The following RPGRIP1 variants were observed in gnomAD, a reference collection of about 807,000 sequenced individuals.
RPGRIP1 encodes the protein X-linked retinitis pigmentosa GTPase regulator-interacting protein 1.
In RPGRIP1, 128 loss-of-function variants were observed where a neutral mutation model predicts 157.9. The observed-to-expected ratio is 0.81, with a 90% CI of 0.70 to 0.94. RPGRIP1 has a LOEUF of 0.94. Ranked by LOEUF, RPGRIP1 falls within the 40% of genes least tolerant of loss-of-function variation. The pLI, the probability that RPGRIP1 is intolerant of heterozygous loss-of-function variation, is 0.00. For synonymous variants in RPGRIP1, 554 were observed against 571.6 expected, an observed-to-expected ratio of 0.97 and a Z score of 0.44; for missense variants, 1,486 against 1,545.8, an observed-to-expected ratio of 0.96 and a Z score of 0.65.
rs1268383075 is a variant in RPGRIP1 at position 21,325,388 on chromosome 14, GA to G, written c.2367+11del. 2 of 1,561,688 alleles carry G rather than the reference GA, an allele frequency of 1.3e-6. No individual in the cohort carries two copies. The highest frequency in any genetic ancestry group is 1.7e-6 in the Non-Finnish European group (2 of 1,152,516). ...CGGAAGGCCCAGGAAGAGGAGGTGAGAAAAAAGATGTGCCGAGGCATCTCAG... is the reference window on the plus strand; with the variant it reads ...CGGAAGGCCCAGGAAGAGGAGGTGAGAAAAAGATGTGCCGAGGCATCTCAG... On this transcript the variant is annotated splice_donor_region_variant and intron_variant, in intron 16 of 24. Coordinates refer to ENST00000400017, the MANE Select transcript of RPGRIP1 (RefSeq NM_020366.4).
At chr14:21,317,662 G>A in intron 10 of RPGRIP1, 34 bp from the exon 11 acceptor site, 1 of 1,563,714 alleles carries the variant, frequency 6.4e-7, no homozygotes, top group Non-Finnish European at 8.7e-7. Flanking sequence ...CACCCCTTGG[G>A]GTATCCATCT....
At chr14:21,316,860 C>T (rs534251304) in intron 10 of RPGRIP1, among the ~76,000 whole-genome samples, 2 of 151,990 alleles carry the variant, frequency 1.3e-5, no homozygotes, top group South Asian at 4.2e-4. Flanking sequence ...TGGCTCACAC[C>T]TATAATCCCA....
intron 6 of RPGRIP1, among the ~76,000 whole-genome samples, chr14:21,304,399 GAAAGAAA>G (rs1881196683): frequency 1.1e-5 from 1 of 95,030 alleles, no homozygotes; most frequent in Non-Finnish European, 2.4e-5. Flanking sequence ...GAGAAAGAAA[GAAAGAAA>G]GAAAGAAAGA....
chr14:21,323,891 G>A (rs1310289088), intron 14 of RPGRIP1: 1 of 153,714 alleles, frequency 6.5e-6, no homozygotes, highest in African/African-American at 2.4e-5. Context: ...ACACTGTGTT[G>A]ACTCAAATAT....
At chr14:21,294,340 C>G (rs1162023240) in intron 2 of RPGRIP1, among the ~76,000 whole-genome samples, 1 of 151,754 alleles carries the variant, frequency 6.6e-6, no homozygotes. Flanking sequence ...AAGCAATTCT[C>G]CTGCCTCAGC....
At chr14:21,325,108 A>T in intron 15 of RPGRIP1, 38 bp downstream of exon 15, 1 of 1,565,390 alleles carries the variant, frequency 6.4e-7, no homozygotes, top group Non-Finnish European at 8.7e-7. Context: ...CTAAGCACCA[A>T]TGCAGAATTT....
chr14:21,326,028 G>C lies in RPGRIP1; in HGVS notation c.2565G>C (p.Val855=). ...TTAGAGACCAGGCTCGATTCCCAGT[G>C]CTTGTGACCTCTGACCTGGACCATT... ...PYFRDQARFP[V]LVTSDLDHYL... is the part of the protein sequence containing the mutation. Residue 855 remains valine (V), a synonymous_variant, in exon 17 of 25, where the codon GTG becomes GTC. Transcript: ENST00000400017. The C allele has an allele frequency of 6.2e-7, 1 of 1,613,964 alleles. No homozygotes were observed. The highest frequency in any genetic ancestry group is 8.5e-7 in the Non-Finnish European group (1 of 1,179,878).
intron 10 of RPGRIP1, among the ~76,000 whole-genome samples, chr14:21,314,928 C>T (rs1175174296): frequency 1.3e-5 from 2 of 151,778 alleles, no homozygotes; most frequent in Non-Finnish European, 2.9e-5. Context: ...GAGGCTGAGG[C>T]AGGGCGAATT....
Position 21,320,044 on chromosome 14 carries a change from T to TC in RPGRIP1, c.1335dup (p.Thr446HisfsTer8). 6.2e-7 allele frequency: 1 copy of TC among 1,612,868 alleles called. No individual in the cohort carries two copies. Among genetic ancestry groups the TC allele is most frequent in the Middle Eastern group, 1.6e-4 (1 of 6,062 alleles). On this transcript the variant is annotated frameshift_variant, in exon 12 of 25. Coordinates refer to ENST00000400017, the MANE Select transcript of RPGRIP1 (RefSeq NM_020366.4). LOFTEE classifies it high-confidence loss of function. ...CAAAATGAGGATCTGAAGCTTGAAG[T>TC]CACCAACATACTTCAGAAGCATAAA...
chr14:21,297,245 C>T (rs1836855320), intron 3 of RPGRIP1, among the ~76,000 whole-genome samples: 2 of 151,964 alleles, frequency 1.3e-5, no homozygotes. Context: ...CAAGCATGTG[C>T]CACCATGCCT....
At position 21,304,898 on chromosome 14, in the gene RPGRIP1, T is replaced by C. The variant is rs561754273; in HGVS notation, c.800+1355T>C. ...CTCACTGCAAGCTCTGCCTCCTGGG[T>C]TCATGCCGTTCTCCTGCCTCAGCCT... On this transcript the variant is annotated intron_variant, in intron 6 of 24. Transcript: ENST00000400017. Among the ~76,000 whole-genome samples, 5 of 151,936 alleles carry C rather than the reference T, an allele frequency of 3.3e-5. 1 individual carries two copies. In the South Asian group the frequency reaches 1.0e-3, roughly 32 times the overall value.
At position 21,319,124 on chromosome 14, in the gene RPGRIP1, T is replaced by C. The variant is rs1882113744; in HGVS notation, c.1307-893T>C. Among the ~76,000 whole-genome samples, 3 of 152,338 alleles carry C rather than the reference T, an allele frequency of 2.0e-5. No individual in the cohort carries two copies. In the South Asian group the frequency reaches 6.2e-4, roughly 32 times the overall value. On this transcript the variant is annotated intron_variant, in intron 11 of 24. Coordinates refer to ENST00000400017, the MANE Select transcript of RPGRIP1 (RefSeq NM_020366.4). ...TCAAGAAAAATAGAGGCAAGAACCA[T>C]GTTTAGGAGCACATGCCAATTAGTA...
intron 3 of RPGRIP1, among the ~76,000 whole-genome samples, chr14:21,297,163 G>T (rs987269854): frequency 6.6e-6 from 1 of 151,610 alleles, no homozygotes. Flanking sequence ...GCGCAATCTC[G>T]GCTCACCGGC....
chr14:21,327,976 C>G (rs1206665677), intron 18 of RPGRIP1, among the ~76,000 whole-genome samples, 169 bp downstream of exon 18: 1 of 152,130 alleles, frequency 6.6e-6, no homozygotes, highest in Non-Finnish European at 1.5e-5. Context: ...CAAGACCAGC[C>G]TGACCAACAT....
chr14:21,280,572 C>G (rs1594366067), intron 1 of RPGRIP1, among the ~76,000 whole-genome samples: 1 of 151,980 alleles, frequency 6.6e-6, no homozygotes, highest in African/African-American at 2.4e-5. Flanking sequence ...TATTGTACCA[C>G]CAGTCTCCCA....
In RPGRIP1 at chr14:21,345,208, G is replaced by T; in HGVS notation, c.3617+11G>T. ...TCCTGATCAAGGACAGTAAGCATCT[G>T]CTTTCCACTTTGAAACAAAGGAGAT... On this transcript the variant is annotated intron_variant, in intron 23 of 24. Transcript: ENST00000400017. 1.9e-6 allele frequency: 3 copies of T among 1,596,912 alleles called. No individual in the cohort carries two copies. The highest frequency in any genetic ancestry group is 2.6e-6 in the Non-Finnish European group (3 of 1,167,536).
intron 21 of RPGRIP1, 107 bp downstream of exon 21, chr14:21,334,812 G>T (rs1334629981): frequency 1.5e-6 from 1 of 666,274 alleles, no homozygotes; most frequent in Non-Finnish European, 2.5e-6. Flanking sequence ...GGAGGCCGAG[G>T]CAGGCAGATC....
intron 7 of RPGRIP1, among the ~76,000 whole-genome samples, chr14:21,309,569 C>T (rs1881461344): frequency 6.6e-6 from 1 of 152,010 alleles, no homozygotes; most frequent in Non-Finnish European, 1.5e-5. Context: ...TACTGAAATA[C>T]TAAAAGATTA....
intron 1 of RPGRIP1, among the ~76,000 whole-genome samples, chr14:21,282,814 G>A (rs906309012): frequency 2.6e-5 from 4 of 151,724 alleles, no homozygotes; most frequent in East Asian, 1.9e-4. Flanking sequence ...GTTTCACCAC[G>A]TTAGCCAGGA....
Sources: allele counts gnomAD v4.1 joint callset (sites outside exome capture counted in the v4.1 genomes callset), GRCh38; gene constraint gnomAD v4.1.1; transcripts MANE v1.5; gene names NCBI Gene and HGNC (gene_info 2026-07-23, HGNC 2026-07-21).